The following ROBO1 variants were observed in gnomAD, a reference collection of about 807,000 sequenced individuals.
ROBO1 encodes roundabout homolog 1.
ROBO1 carries 149 observed loss-of-function variants against 195.9 expected under a neutral mutation model. The ratio of observed to expected loss-of-function variants is 0.76; its 90% CI spans 0.67 to 0.87. ROBO1 has a LOEUF of 0.87. Ranked by LOEUF, ROBO1 falls within the 40% of genes least tolerant of loss-of-function variation. The pLI is 0.00. For synonymous variants in ROBO1, 816 were observed against 733.2 expected (o/e 1.11, Z -1.82); for missense variants, 1,933 against 2,068.3 (o/e 0.93, Z 1.27).
intron 1 of ROBO1, among the ~76,000 whole-genome samples, chr3:79,617,644 C>T (rs1358895758): frequency 6.6e-6 from 1 of 151,838 alleles, no homozygotes; most frequent in Non-Finnish European, 1.5e-5. Flanking sequence ...AGAACTCTTA[C>T]AGTACAAAAA....
intron 2 of ROBO1, among the ~76,000 whole-genome samples, chr3:79,277,520 C>A (rs2031142272): frequency 6.6e-6 from 1 of 151,694 alleles, no homozygotes; most frequent in South Asian, 2.1e-4. Context: ...TTAATGGGTA[C>A]AAAAATATGG....
At chr3:78,914,890 C>A (rs1355567306) in intron 4 of ROBO1, among the ~76,000 whole-genome samples, 2 of 151,144 alleles carry the variant, frequency 1.3e-5, no homozygotes, top group Non-Finnish European at 3.0e-5. Flanking sequence ...AATGCCATAT[C>A]AATTATCTAT....
rs10428105 is a variant in ROBO1 at position 78,695,470 on chromosome 3, A to C, written c.1046-6698T>G. The stretch of plus-strand genomic sequence containing the variant: ...GAAACCCCATCTCTACTAAAATTAC[A>C]AAAAGTTACCCAGGCGCGGTGGCAC... On this transcript the variant is annotated intron_variant, in intron 8 of 30. Coordinates refer to ENST00000464233, the MANE Select transcript of ROBO1 (RefSeq NM_002941.4). 1.2e-3 allele frequency among the ~76,000 whole-genome samples: 180 copies of C among 151,600 alleles called. 3 individuals are homozygous for C. The highest frequency in any genetic ancestry group is 3.4e-3 in the Middle Eastern group (1 of 294).
At chr3:78,682,706 AAT>A (rs538947018) in intron 10 of ROBO1, among the ~76,000 whole-genome samples, 3 of 147,758 alleles carry the variant, frequency 2.0e-5, no homozygotes, top group African/African-American at 7.4e-5. Flanking sequence ...AATATCAAAA[AAT>A]ATATATATAC....
intron 1 of ROBO1, among the ~76,000 whole-genome samples, chr3:79,680,520 G>C (rs770991951): frequency 1.7e-4 from 26 of 152,014 alleles, no homozygotes; most frequent in Non-Finnish European, 3.4e-4. Flanking sequence ...ACATGAACTA[G>C]AGAAGTGATT....
intron 3 of ROBO1, among the ~76,000 whole-genome samples, chr3:79,001,626 G>C (rs1475276572): frequency 1.3e-5 from 2 of 152,106 alleles, no homozygotes; most frequent in African/African-American, 4.8e-5. Flanking sequence ...CTATATATGA[G>C]TTAGTTTCTG....
intron 4 of ROBO1, among the ~76,000 whole-genome samples, chr3:78,908,558 T>C (rs1400382008): frequency 6.6e-6 from 1 of 151,988 alleles, no homozygotes; most frequent in Admixed American, 6.6e-5. Flanking sequence ...ATTGTGGTTC[T>C]TTTTCCTTTA....
chr3:78,663,620 C>T (rs1236411196), intron 14 of ROBO1, among the ~76,000 whole-genome samples: 1 of 152,146 alleles, frequency 6.6e-6, no homozygotes, highest in South Asian at 2.1e-4. Context: ...TTCTTAATCT[C>T]ACTATTCTTC....
At chr3:79,395,340 A>AAAAAAAAAG (rs71631648) in intron 2 of ROBO1, among the ~76,000 whole-genome samples, 42 of 119,036 alleles carry the variant, frequency 3.5e-4, no homozygotes, top group Non-Finnish European at 4.4e-4. Flanking sequence ...AAAAAAAAAA[A>AAAAAAAAAG]AAAGAAAGAA....
chr3:79,571,609 G>A (rs1170957629), intron 2 of ROBO1, among the ~76,000 whole-genome samples: 2 of 152,000 alleles, frequency 1.3e-5, no homozygotes, highest in Non-Finnish European at 2.9e-5. Flanking sequence ...TTCTTCATTT[G>A]TGAAAATCAA....
intron 4 of ROBO1, among the ~76,000 whole-genome samples, chr3:78,870,795 G>A (rs984961458): frequency 6.6e-6 from 1 of 152,150 alleles, no homozygotes; most frequent in African/African-American, 2.4e-5. Context: ...AAACCATTGA[G>A]CAGAGACCGA....
At chr3:78,721,609 G>GT (rs1474274106) in intron 5 of ROBO1, among the ~76,000 whole-genome samples, 1 of 152,132 alleles carries the variant, frequency 6.6e-6, no homozygotes, top group Non-Finnish European at 1.5e-5. Context: ...TTAAGAGTGA[G>GT]TAAGTGTTCA....
intron 3 of ROBO1, among the ~76,000 whole-genome samples, chr3:79,079,365 TAA>T (rs1301606272): frequency 6.6e-6 from 1 of 151,830 alleles, no homozygotes; most frequent in Non-Finnish European, 1.5e-5. Flanking sequence ...TAAATAGGAA[TAA>T]GTTATTTCAG....
chr3:79,446,128 C>T (rs892144861), intron 2 of ROBO1, among the ~76,000 whole-genome samples: 1 of 152,134 alleles, frequency 6.6e-6, no homozygotes, highest in Non-Finnish European at 1.5e-5. Flanking sequence ...AATACTTTTG[C>T]TTTTCCCCTA....
chr3:79,659,582 C>T (rs1257759307), intron 1 of ROBO1, among the ~76,000 whole-genome samples: 7 of 150,164 alleles, frequency 4.7e-5, no homozygotes, highest in Non-Finnish European at 8.9e-5. Flanking sequence ...CGAACAGTTA[C>T]GATGTATGAA....
chr3:79,642,797 T>C lies in ROBO1; in HGVS notation c.-50-52836A>G, dbSNP rs559751723. On this transcript the variant is annotated intron_variant, in intron 1 of 30. Transcript: ENST00000464233. ...TCACTCTGAACGAAAAAAACACTAA[T>C]ATGCCGAAAGAAAACATTTTAAGGT... Among the ~76,000 whole-genome samples, 4 of 152,260 alleles carry C rather than the reference T, an allele frequency of 2.6e-5. No individual in the cohort carries two copies. The South Asian group carries it at 8.3e-4, about 32-fold the overall frequency.
At chr3:78,757,465 T>G (rs983035878) in intron 4 of ROBO1, among the ~76,000 whole-genome samples, 2 of 150,062 alleles carry the variant, frequency 1.3e-5, no homozygotes, top group African/African-American at 4.9e-5. Context: ...ACTCACAAAC[T>G]CACACTTCTT....
intron 2 of ROBO1, among the ~76,000 whole-genome samples, chr3:79,212,266 C>T (rs1490587203): frequency 6.6e-6 from 1 of 152,086 alleles, no homozygotes; most frequent in Non-Finnish European, 1.5e-5. Context: ...CAGTTTGTGG[C>T]CAGATCTGGG....
At chr3:79,447,644 CTGA>C (rs1265848740) in intron 2 of ROBO1, among the ~76,000 whole-genome samples, 1 of 151,910 alleles carries the variant, frequency 6.6e-6, no homozygotes, top group African/African-American at 2.4e-5. Flanking sequence ...TAATTTGAAC[CTGA>C]TGATTATACA....
Sources: allele counts gnomAD v4.1 joint callset (sites outside exome capture counted in the v4.1 genomes callset), GRCh38; gene constraint gnomAD v4.1.1; transcripts MANE v1.5; gene names NCBI Gene and HGNC (gene_info 2026-07-23, HGNC 2026-07-21).